The following TMPRSS9 variants were observed in gnomAD, a reference collection of about 807,000 sequenced individuals.
The protein encoded by TMPRSS9 is transmembrane protease serine 9.
TMPRSS9 carries 113 observed loss-of-function variants against 111.4 expected under a neutral mutation model. That is an observed-to-expected ratio of 1.01 (90% CI 0.87 to 1.19). TMPRSS9 has a LOEUF of 1.19. Among genes scored for constraint, TMPRSS9 ranks in the 50% most tolerant of loss-of-function variants. TMPRSS9 has a pLI of 0.00. For synonymous variants in TMPRSS9, 805 were observed against 659.1 expected, an observed-to-expected ratio of 1.22 and a Z score of -3.39; for missense variants, 1,803 against 1,513.1, an observed-to-expected ratio of 1.19 and a Z score of -3.18.
intron 6 of TMPRSS9, among the ~76,000 whole-genome samples, chr19:2,403,413 C>T (rs1039605209): frequency 2.0e-5 from 3 of 152,084 alleles, no homozygotes; most frequent in Non-Finnish European, 2.9e-5. Flanking sequence ...GGGAAGAAGC[C>T]TGGGGAGAGG....
intron 1 of TMPRSS9, among the ~76,000 whole-genome samples, chr19:2,391,492 CGT>C (rs1568175795): frequency 1.3e-5 from 2 of 150,976 alleles, no homozygotes; most frequent in Admixed American, 6.6e-5. Context: ...TTGGGTTCCT[CGT>C]GTGAGTGTAT....
chr19:2,424,328 A>G, intron 15 of TMPRSS9, 71 bp downstream of exon 16: 1 of 1,271,128 alleles, frequency 7.9e-7, no homozygotes, highest in Non-Finnish European at 1.0e-6. Context: ...GTTGCCCGAA[A>G]ACGCACCCTG....
chr19:2,410,147 C>G lies in TMPRSS9; in HGVS notation c.1118-111C>G, dbSNP rs1009994643. ...GTGTTGTAGGTGGCCATGCTTGGAG[C>G]TGGGGAAACTGAGGGAGGCTTGGAG... On this transcript the variant is annotated intron_variant, in intron 8 of 17. Coordinates refer to ENST00000648592, the Ensembl canonical transcript of TMPRSS9. The G allele has an allele frequency of 4.7e-6, 7 of 1,485,250 alleles. No homozygotes were observed. The African/African-American group carries it at 9.7e-5, about 21-fold the overall frequency. 92.0% of individuals were successfully genotyped at this position (1,485,250 alleles called of 1,614,324 possible).
At chr19:2,421,187 C>T (rs1971454882) in intron 13 of TMPRSS9, among the ~76,000 whole-genome samples, 1 of 152,024 alleles carries the variant, frequency 6.6e-6, no homozygotes, top group Non-Finnish European at 1.5e-5. Flanking sequence ...GCCTGGGCAA[C>T]AAGAGCGAGA....
chr19:2,389,956 G>A (rs891175), intron 1 of TMPRSS9, 29 bp downstream of exon 2: 1,017,535 of 1,588,332 alleles, frequency 0.64, 329,993 homozygotes, highest in Middle Eastern at 0.72. Flanking sequence ...GGCTGGGTTC[G>A]CAATACAAGG....
intron 5 of TMPRSS9, 113 bp downstream of exon 6, chr19:2,402,129 A>C: frequency 3.1e-6 from 3 of 977,760 alleles, no homozygotes; most frequent in Non-Finnish European, 4.5e-6. Context: ...GCGGTGGCTC[A>C]CATCTGTCGT....
chr19:2,425,307 G>A (rs751274946), intron 16 of TMPRSS9, 40 bp downstream of exon 17: 1 of 1,230,684 alleles, frequency 8.1e-7, no homozygotes, highest in Non-Finnish European at 1.0e-6. Flanking sequence ...GGGCTCGGGG[G>A]GCGGCCGGAC....
intron 7 of TMPRSS9, 28 bp downstream of exon 8, chr19:2,405,573 C>T: frequency 6.7e-7 from 1 of 1,497,104 alleles, no homozygotes; most frequent in African/African-American, 1.4e-5. Flanking sequence ...AGCACCAAAC[C>T]CGAACCCTCT....
intron 5 of TMPRSS9, among the ~76,000 whole-genome samples, chr19:2,402,291 A>G (rs1408089449): frequency 6.6e-6 from 1 of 152,108 alleles, no homozygotes; most frequent in Non-Finnish European, 1.5e-5. Context: ...AATAATAAAA[A>G]TTAGCCGGGC....
chr19:2,395,998 A>C (rs747584792), intron 1 of TMPRSS9, among the ~76,000 whole-genome samples: 1 of 152,160 alleles, frequency 6.6e-6, no homozygotes, highest in Non-Finnish European at 1.5e-5. Context: ...ACAGAGCGAG[A>C]CTCTGTCTCA....
chr19:2,416,571 C>A, exon 12 of TMPRSS9: 1 of 1,611,274 alleles, frequency 6.2e-7, no homozygotes, highest in Non-Finnish European at 8.5e-7. Context: ...CCCACCTGGG[C>A]ACTGCGTCCC....
At chr19:2,403,166 G>A in exon 6 of TMPRSS9, 1 of 1,611,534 alleles carries the variant, frequency 6.2e-7, no homozygotes, top group African/African-American at 1.3e-5. Flanking sequence ...CAGGAGGACT[G>A]CTCCGATGGG....
chr19:2,365,949 G>T (rs1365775843), intron 1 of TMPRSS9, among the ~76,000 whole-genome samples: 1 of 152,010 alleles, frequency 6.6e-6, no homozygotes, highest in Non-Finnish European at 1.5e-5. Context: ...GGGTGATAGA[G>T]TGAGATTCTG....
At position 2,426,083 on chromosome 19, in the gene TMPRSS9, G is replaced by T. The variant is rs753582776; in HGVS notation, c.3277G>T (p.Glu1093Ter). Reference sequence around the variant, plus strand: ...AGGCTGGATAGGACAGCACATCCAGGAGTGACCACCACGTGACTGCCCAGG... The same window carrying T: ...AGGCTGGATAGGACAGCACATCCAGTAGTGACCACCACGTGACTGCCCAGG... The change falls in exon 18 of 18, where the codon GAG becomes TAG. Residue 1093 changes from glutamate (E) to a stop codon, truncating the protein, a stop_gained. Transcript: ENST00000648592. LOFTEE classifies it high-confidence loss of function. 8.7e-6 allele frequency: 14 copies of T among 1,601,912 alleles called. No homozygotes were observed. In the South Asian group the frequency reaches 1.2e-4, roughly 14 times the overall value.
At position 2,422,096 on chromosome 19, in the gene TMPRSS9, G is replaced by A. The variant is rs144404670; in HGVS notation, c.2397G>A (p.Pro799=). 5.3e-5 allele frequency: 85 copies of A among 1,605,104 alleles called. No individual in the cohort carries two copies. The African/African-American group carries it at 8.1e-4, about 15-fold the overall frequency. Residue 799 remains proline, a synonymous_variant, in exon 14 of 18, where the codon CCG becomes CCA. Transcript: ENST00000648592. ...GGACGACAGCTGGCCTCACAGTCCC[G>A]GGGGCCACACCCAGCAGACCCACCC...
intron 9 of TMPRSS9, among the ~76,000 whole-genome samples, chr19:2,413,347 C>A (rs1388722405): frequency 6.6e-6 from 1 of 152,134 alleles, no homozygotes. Flanking sequence ...TATGGAGGCA[C>A]CCGCGTGGCA....
chr19:2,385,878 A>G (rs1970465488), upstream of TMPRSS9, among the ~76,000 whole-genome samples: 1 of 152,084 alleles, frequency 6.6e-6, no homozygotes, highest in Non-Finnish European at 1.5e-5. Flanking sequence ...TTACGTATCT[A>G]TTCCAGGGGT....
At chr19:2,425,696 C>G in intron 17 of TMPRSS9, 2 of 1,217,988 alleles carry the variant, frequency 1.6e-6, no homozygotes, top group Non-Finnish European at 2.2e-6. Flanking sequence ...CATCCCCGGG[C>G]CTCGGCGGCA....
intron 6 of TMPRSS9, among the ~76,000 whole-genome samples, chr19:2,404,416 G>A (rs536260090): frequency 1.2e-3 from 179 of 151,894 alleles, no homozygotes; most frequent in African/African-American, 3.5e-3. Flanking sequence ...AGTGGGTCAC[G>A]CCTGTAATCC....
Sources: gnomAD v4.1 joint callset for allele counts (sites outside exome capture counted in the v4.1 genomes callset) on GRCh38, gnomAD v4.1.1 for gene constraint, MANE v1.5 for transcripts, NCBI Gene and HGNC (gene_info 2026-07-23, HGNC 2026-07-21) for gene names.